The following PCLO variants were observed in gnomAD, a reference collection of about 807,000 sequenced individuals.
PCLO encodes the protein piccolo presynaptic cytomatrix protein, also known as protein piccolo.
PCLO carries 82 observed loss-of-function variants against 427.5 expected under a neutral mutation model. That is an observed-to-expected ratio of 0.19 (90% CI 0.16 to 0.23). The LOEUF (loss-of-function observed/expected upper bound fraction) is 0.23. Ranked by LOEUF, PCLO falls within the 10% of genes least tolerant of loss-of-function variation. The pLI is 1.00. For missense variants in PCLO, 6,239 were observed against 6,115.9 expected, an observed-to-expected ratio of 1.02 and a Z score of -0.67; for synonymous variants, 2,357 against 2,155.4, an observed-to-expected ratio of 1.09 and a Z score of -2.59.
intron 10 of PCLO, among the ~76,000 whole-genome samples, chr7:82,854,873 T>G (rs574005384): frequency 4.0e-4 from 61 of 152,268 alleles, no homozygotes; most frequent in African/African-American, 1.2e-3. Context: ...ATTAGCAAAG[T>G]GTGGCTTGCA....
intron 20 of PCLO, among the ~76,000 whole-genome samples, chr7:82,811,702 T>C (rs1791575787): frequency 6.6e-6 from 1 of 151,482 alleles, no homozygotes; most frequent in African/African-American, 2.4e-5. Flanking sequence ...TTTGGGAAAA[T>C]CTAAAGCAAA....
rs1788607048 is a variant in PCLO at position 83,029,642 on chromosome 7, C to T, written c.3301-63155G>A. Reference sequence around the variant, plus strand: ...ACCCAAAGGACTATAAATCATGCTGCTATAAAGACACATGCACACGTATGT... The same window carrying T: ...ACCCAAAGGACTATAAATCATGCTGTTATAAAGACACATGCACACGTATGT... On this transcript the variant is annotated intron_variant, in intron 3 of 24. Coordinates refer to ENST00000333891, the MANE Select transcript of PCLO (RefSeq NM_033026.6). Among the ~76,000 whole-genome samples the T allele has an allele frequency of 4.0e-5, 5 of 126,114 alleles. No individual in the cohort carries two copies. The South Asian group carries it at 1.5e-3, about 39-fold the overall frequency. 82.7% of individuals were successfully genotyped at this position (126,114 alleles called of 152,430 possible). A position where few individuals can be genotyped will look rare whatever the true frequency, so the allele number is the denominator to read the frequency against.
intron 4 of PCLO, among the ~76,000 whole-genome samples, chr7:82,961,236 A>G (rs1795649817): frequency 6.6e-6 from 1 of 152,194 alleles, no homozygotes; most frequent in South Asian, 2.1e-4. Context: ...GGGCAGACTC[A>G]TGGAAGTCAT....
In PCLO at chr7:82,950,827, T is replaced by C. The variant is rs1482125592; in HGVS notation, c.9761A>G (p.Gln3254Arg). The C allele has an allele frequency of 6.2e-7, 1 of 1,613,746 alleles. No homozygotes were observed. Among genetic ancestry groups the C allele is most frequent in the Non-Finnish European group, 8.5e-7 (1 of 1,179,860 alleles). The change falls in exon 6 of 25, where the codon CAG (glutamine) becomes CGG (arginine). Residue 3254 changes from glutamine to arginine, a missense_variant. Gln to Arg is a conservative substitution (Grantham distance 43). Transcript: ENST00000333891. ...RFREQEKIMV[Q>R]KKLEELQSMK... ...AGACTGCAGCTCCTCCAACTTTTTC[T>C]GAACCATGATCTTTTCTTGTTCTCG...
chr7:82,939,593 A>C (rs922990801), intron 6 of PCLO, among the ~76,000 whole-genome samples: 1 of 151,064 alleles, frequency 6.6e-6, no homozygotes, highest in Non-Finnish European at 1.5e-5. Flanking sequence ...CCGCTGAAAA[A>C]AAAATATATT....
At chr7:83,099,482 G>A (rs934056604) in intron 3 of PCLO, among the ~76,000 whole-genome samples, 4 of 150,274 alleles carry the variant, frequency 2.7e-5, no homozygotes, top group Admixed American at 6.6e-5. Flanking sequence ...TCCGCCTCCC[G>A]GATTCAAGTG....
At chr7:83,136,182 A>G (rs1215815773) in intron 2 of PCLO, among the ~76,000 whole-genome samples, 1 of 152,052 alleles carries the variant, frequency 6.6e-6, no homozygotes, top group Non-Finnish European at 1.5e-5. Context: ...ATCAAAATAT[A>G]GTTTTGTGTT....
intron 3 of PCLO, among the ~76,000 whole-genome samples, chr7:83,012,115 A>T (rs1030119237): frequency 2.0e-5 from 3 of 152,180 alleles, no homozygotes; most frequent in African/African-American, 7.2e-5. Context: ...AAGAACTGAC[A>T]AATGAGTAAA....
chr7:83,146,114 C>T (rs1791988028), intron 2 of PCLO, among the ~76,000 whole-genome samples: 1 of 152,202 alleles, frequency 6.6e-6, no homozygotes, highest in Non-Finnish European at 1.5e-5. Context: ...GTTCAAACTA[C>T]AATCTCTCTT....
rs535772429 is a variant in PCLO at position 82,951,197 on chromosome 7, G to A, written c.9391C>T (p.Pro3131Ser). ...ATTGGCTGGCTATGGTGCATGGCAGGTAATGAAGTCACTGCATCAGCCGTA... is the reference window on the plus strand; with the variant it reads ...ATTGGCTGGCTATGGTGCATGGCAGATAATGAAGTCACTGCATCAGCCGTA... The part of the protein sequence containing the change: ...IHTADAVTSL[P>S]AMHHSQPMPR... The change falls in exon 6 of 25, where the codon CCT (proline) becomes TCT (serine). Residue 3131 changes from proline (P) to serine (S), a missense_variant. Around this residue, in one of 5 missense-constraint regions of PCLO, gnomAD observed 4,677 missense variants for 4,468.4 expected, o/e 1.05. Transcript: ENST00000333891. 1.2e-6 allele frequency: 2 copies of A among 1,613,696 alleles called. No homozygotes were observed. Among genetic ancestry groups the A allele is most frequent in the East Asian group, 2.2e-5 (1 of 44,844 alleles).
At chr7:82,798,645 C>A (rs893381298) in intron 22 of PCLO, among the ~76,000 whole-genome samples, 1 of 152,064 alleles carries the variant, frequency 6.6e-6, no homozygotes, top group African/African-American at 2.4e-5. Flanking sequence ...TTTAAAATTG[C>A]CTCTGAAAGT....
chr7:82,939,838 G>T (rs973356476), intron 6 of PCLO, among the ~76,000 whole-genome samples: 8 of 151,164 alleles, frequency 5.3e-5, no homozygotes, highest in Non-Finnish European at 1.0e-4. Flanking sequence ...GAATAACAAA[G>T]TTTTTTTGAA....
At chr7:83,072,284 T>C (rs930127475) in intron 3 of PCLO, among the ~76,000 whole-genome samples, 1 of 152,038 alleles carries the variant, frequency 6.6e-6, no homozygotes, top group Admixed American at 6.6e-5. Context: ...AGAACACATA[T>C]TTTAGAATAA....
At chr7:83,078,165 G>C (rs1292901237) in intron 3 of PCLO, among the ~76,000 whole-genome samples, 1 of 152,078 alleles carries the variant, frequency 6.6e-6, no homozygotes, top group Admixed American at 6.6e-5. Flanking sequence ...AATGGAAATT[G>C]TACCTATCAC....
Position 82,954,771 on chromosome 7 carries a change from G to A in PCLO, c.6182C>T (p.Ala2061Val), listed in dbSNP as rs879039006. The A allele has an allele frequency of 1.2e-6, 2 of 1,613,662 alleles. No individual in the cohort carries two copies. The highest frequency in any genetic ancestry group is 1.3e-5 in the African/African-American group (1 of 74,868). The change falls in exon 5 of 25, where the codon GCT becomes GTT. Residue 2061 changes from alanine to valine, a missense_variant. Around this residue, in one of 5 missense-constraint regions of PCLO, gnomAD observed 4,677 missense variants for 4,468.4 expected, o/e 1.05. Coordinates refer to ENST00000333891, the MANE Select transcript of PCLO (RefSeq NM_033026.6). ...STEEERKLLD[A>V]DAAYEELMKR... ...CATAAGTTCTTCATAGGCAGCATCA[G>A]CATCTAGTAGTTTCCTTTCTTCTTC...
rs1796060210 is a variant in PCLO, at chr7:82,978,059, A to C, written c.3301-11572T>G. On this transcript the variant is annotated intron_variant, in intron 3 of 24. Transcript: ENST00000333891. ...TTAGTACCATTTGCAAGGTATTGCT[A>C]ATAATAGATAAACATAAATATATAA... 2.0e-5 allele frequency among the ~76,000 whole-genome samples: 3 copies of C among 152,182 alleles called. No homozygotes were observed. In the South Asian group the frequency reaches 6.2e-4, roughly 32 times the overall value.
intron 20 of PCLO, among the ~76,000 whole-genome samples, chr7:82,819,924 T>A (rs561748331): frequency 1.6e-4 from 25 of 152,260 alleles, no homozygotes; most frequent in African/African-American, 5.3e-4. Flanking sequence ...TATCCTATTT[T>A]AAAAAAACAT....
chr7:83,149,082 G>A (rs1164777407), intron 2 of PCLO, among the ~76,000 whole-genome samples: 1 of 151,972 alleles, frequency 6.6e-6, no homozygotes, highest in East Asian at 1.9e-4. Flanking sequence ...TTCTCATGGG[G>A]GCCCTTCCTC....
intron 3 of PCLO, among the ~76,000 whole-genome samples, chr7:82,981,187 T>C (rs17156949): frequency 0.012 from 1,831 of 151,708 alleles, 34 homozygotes; most frequent in African/African-American, 0.042. Flanking sequence ...TTCGTAACTA[T>C]AGGGTACTAT....
Sources: allele counts gnomAD v4.1 joint callset (sites outside exome capture counted in the v4.1 genomes callset), GRCh38; gene constraint gnomAD v4.1.1; regional missense constraint gnomAD v4.1.1; transcripts MANE v1.5; gene names NCBI Gene and HGNC (gene_info 2026-07-23, HGNC 2026-07-21).